Variants in RSPH10B observed in about 807,000 individuals in gnomAD.
RSPH10B encodes radial spoke head 10 homolog B, also known as radial spoke head 10 homolog B (Chlamydomonas).
A neutral mutation model predicts 52.5 loss-of-function variants in RSPH10B; 7 were observed. That is an observed-to-expected ratio of 0.13 (90% CI 0.08 to 0.25). The LOEUF (loss-of-function observed/expected upper bound fraction) is 0.25. Among genes scored for constraint, RSPH10B ranks in the 10% least tolerant of loss-of-function variants. The pLI, the probability that RSPH10B is intolerant of heterozygous loss-of-function variation, is 1.00. For synonymous variants in RSPH10B, 28 were observed against 193.2 expected (o/e 0.14, Z 7.09); for missense variants, 89 against 542.5 (o/e 0.16, Z 8.30).
chr7:5,927,116 G>C (rs1237804881), intron 18 of RSPH10B, among the ~76,000 whole-genome samples: 1 of 143,626 alleles, frequency 7.0e-6, no homozygotes, highest in African/African-American at 2.6e-5. Flanking sequence ...TTTTGAGATA[G>C]GGTCTTACTG....
intron 13 of RSPH10B, among the ~76,000 whole-genome samples, chr7:5,942,932 T>A (rs1342332645): frequency 2.1e-5 from 3 of 146,110 alleles, no homozygotes; most frequent in South Asian, 2.1e-4. Context: ...ATATATTTTT[T>A]TTTAAGACAA....
intron 17 of RSPH10B, among the ~76,000 whole-genome samples, chr7:5,930,985 A>C (rs1779732948): frequency 9.9e-6 from 1 of 100,506 alleles, no homozygotes; most frequent in Non-Finnish European, 2.2e-5. Context: ...CCAGGCTGGA[A>C]TGCAATGGCA....
In RSPH10B at chr7:5,941,562, G is replaced by C. The variant is rs1196469829; in HGVS notation, c.1758+1762C>G. Among the ~76,000 whole-genome samples, 5 of 149,656 alleles carry C rather than the reference G, an allele frequency of 3.3e-5. 1 individual carries two copies. The highest frequency in any genetic ancestry group is 3.2e-3 in the Middle Eastern group (1 of 316). The stretch of plus-strand genomic sequence containing the variant: ...GATTGAGATCATCCTTGCTAACATA[G>C]TGAAACCCTGTCTCTACTAAAAAAT... On this transcript the variant is annotated intron_variant, in intron 13 of 18. Transcript: ENST00000337579.
chr7:5,931,416 T>C (rs565133703), intron 17 of RSPH10B, among the ~76,000 whole-genome samples: 2 of 151,408 alleles, frequency 1.3e-5, no homozygotes, highest in East Asian at 1.9e-4. Flanking sequence ...CGGCCGGCCA[T>C]AGAGAGACAC....
intron 17 of RSPH10B, among the ~76,000 whole-genome samples, chr7:5,930,937 T>C (rs1257114391): frequency 1.1e-5 from 1 of 93,280 alleles, no homozygotes; most frequent in Non-Finnish European, 2.3e-5. Context: ...TTTCCTTTTT[T>C]CCTTTTTTTT....
At chr7:5,970,648 G>C (rs889599669), upstream of RSPH10B, 3 of 139,282 alleles carry the variant, frequency 2.2e-5, no homozygotes, top group Non-Finnish European at 4.7e-5. Flanking sequence ...ACCTCGCCGG[G>C]CTCGGGCTGA....
At chr7:5,930,457 GCC>G (rs1262658958) in intron 17 of RSPH10B, among the ~76,000 whole-genome samples, 2 of 4,272 alleles carry the variant, frequency 4.7e-4, no homozygotes, top group Non-Finnish European at 6.9e-4. Flanking sequence ...CCGCAGGAAT[GCC>G]CTGTCTCTGC....
In RSPH10B at chr7:5,943,130, C is replaced by T. The variant is rs192902398; in HGVS notation, c.1758+194G>A. 639 of 1,280,984 alleles carry T rather than the reference C, an allele frequency of 5.0e-4. 5 individuals are homozygous for T. In the Middle Eastern group the frequency reaches 0.012, roughly 24 times the overall value. The allele number at this position is 1,280,984 out of a possible 1,614,324, so 79.4% of individuals were successfully genotyped here. A position where few individuals can be genotyped will look rare whatever the true frequency, so the allele number is the denominator to read the frequency against. ...ATCTGTTAGCATATTGGGCAGGTGA[C>T]GGCTGTTTCTGTTCCTTCCACGACC... is the stretch of plus-strand genomic sequence containing the variant. On this transcript the variant is annotated intron_variant, in intron 13 of 18. Coordinates refer to ENST00000337579, the Ensembl canonical transcript of RSPH10B.
intron 18 of RSPH10B, among the ~76,000 whole-genome samples, chr7:5,927,118 G>A (rs1436648200): frequency 7.0e-6 from 1 of 143,268 alleles, no homozygotes; most frequent in Non-Finnish European, 1.5e-5. Context: ...TTGAGATAGG[G>A]TCTTACTGTG....
At chr7:5,929,115 G>C (rs1779685817) in intron 17 of RSPH10B, among the ~76,000 whole-genome samples, 1 of 146,104 alleles carries the variant, frequency 6.8e-6, no homozygotes, top group Non-Finnish European at 1.5e-5. Context: ...GGGCTCAAGT[G>C]ATCCTCCTAT....
chr7:5,928,515 G>C (rs3094964), intron 17 of RSPH10B, 121 bp from the exon 20 acceptor site: 41 of 1,487,356 alleles, frequency 2.8e-5, no homozygotes, highest in Non-Finnish European at 3.6e-5. Context: ...CCAGGAGAGG[G>C]GAGAGGAGTA....
intron 16 of RSPH10B, among the ~76,000 whole-genome samples, chr7:5,933,446 T>TA (rs1779871920): frequency 7.9e-6 from 1 of 126,936 alleles, no homozygotes; most frequent in South Asian, 2.4e-4. Context: ...GGTCTGTTGG[T>TA]ACAGTATTTA....
rs1340935014 is a variant in RSPH10B at position 5,942,446 on chromosome 7, T to C, written c.1758+878A>G. Among the ~76,000 whole-genome samples the C allele has an allele frequency of 3.4e-3, 439 of 130,358 alleles. 1 individual carries two copies. Among genetic ancestry groups the C allele is most frequent in the Non-Finnish European group, 6.1e-3 (361 of 58,816 alleles). The allele number at this position is 130,358 out of a possible 152,430, so 85.5% of individuals were successfully genotyped here. ...GATCTCACTATGTTGCCCAGGCTGGTCTTGAATTCCTAAGCTCAAGTGATC... is the reference window on the plus strand; with the variant it reads ...GATCTCACTATGTTGCCCAGGCTGGCCTTGAATTCCTAAGCTCAAGTGATC... On this transcript the variant is annotated intron_variant, in intron 13 of 18. Transcript: ENST00000337579.
At chr7:5,928,735 G>A (rs1415421455) in intron 17 of RSPH10B, among the ~76,000 whole-genome samples, 4 of 149,984 alleles carry the variant, frequency 2.7e-5, no homozygotes, top group Admixed American at 6.7e-5. Flanking sequence ...GGGTTCAAGC[G>A]ATTCTCATGC....
chr7:5,963,631 C>A (rs1382667316), intron 3 of RSPH10B: 10 of 101,970 alleles, frequency 9.8e-5, no homozygotes, highest in African/African-American at 3.7e-4. Context: ...AATCTCTTGG[C>A]GAACAATTTG....
intron 18 of RSPH10B, among the ~76,000 whole-genome samples, chr7:5,927,734 G>T (rs1482535747): frequency 6.8e-6 from 1 of 147,186 alleles, no homozygotes; most frequent in Non-Finnish European, 1.5e-5. Context: ...TCAGGAGTTC[G>T]AGACCAGCCT....
At chr7:5,950,464 A>G (rs1220251996) in intron 9 of RSPH10B, among the ~76,000 whole-genome samples, 1 of 151,094 alleles carries the variant, frequency 6.6e-6, no homozygotes. Flanking sequence ...CCAGCTACTC[A>G]GGAGGCTGAG....
intron 18 of RSPH10B, among the ~76,000 whole-genome samples, chr7:5,927,058 G>GTGTGTGTATATATATA (rs1562553157): frequency 9.7e-4 from 80 of 82,900 alleles, no homozygotes; most frequent in South Asian, 3.8e-3. Context: ...TTATGTGTGT[G>GTGTGTGTATATATATA]TGTGTGTGTA....
intron 18 of RSPH10B, among the ~76,000 whole-genome samples, chr7:5,927,051 T>C (rs1473064141): frequency 2.5e-4 from 5 of 20,090 alleles, no homozygotes; most frequent in Admixed American, 2.2e-3. Flanking sequence ...GTGTGTATTA[T>C]GTGTGTGTGT....
Sources: gnomAD v4.1 joint callset for allele counts (sites outside exome capture counted in the v4.1 genomes callset) on GRCh38, gnomAD v4.1.1 for gene constraint, MANE v1.5 for transcripts, NCBI Gene and HGNC (gene_info 2026-07-23, HGNC 2026-07-21) for gene names.